HADHB: variants seen among roughly 807,000 people sequenced by gnomAD.
HADHB encodes trifunctional enzyme subunit beta, mitochondrial.
HADHB carries 50 observed loss-of-function variants against 61.9 expected under a neutral mutation model. The observed-to-expected ratio is 0.81, with a 90% CI of 0.64 to 1.02. HADHB has a LOEUF of 1.02. Among genes scored for constraint, HADHB ranks in the 50% least tolerant of loss-of-function variants. The probability of loss-of-function intolerance (pLI) is 0.00; values close to 1 mark genes in which losing one functional copy is unlikely to be tolerated. For missense variants in HADHB, 504 were observed against 586.5 expected (o/e 0.86, Z 1.45); for synonymous variants, 191 against 201.6 (o/e 0.95, Z 0.45).
Position 26,282,865 on chromosome 2 carries a change from G to A in HADHB, c.954G>A (p.Met318Ile). 1 of 1,612,760 alleles carries A rather than the reference G, an allele frequency of 6.2e-7. No individual in the cohort carries two copies. The highest frequency in any genetic ancestry group is 8.5e-7 in the Non-Finnish European group (1 of 1,179,036). Residue 318 changes from methionine to isoleucine, a missense_variant, in exon 11 of 16, where the codon ATG becomes ATA. Transcript: ENST00000317799. ...TTCAGACTGATGGTGCATCTGCAAT[G>A]TTAATCATGGCGGAGGAAAAGGCTC... Reference protein sequence around the residue: ...SSFLTDGASAMLIMAEEKALA... With the variant: ...SSFLTDGASAILIMAEEKALA...
In HADHB at chr2:26,284,897, A is replaced by C. The variant is rs1476891341; in HGVS notation, c.1164A>C (p.Ala388=). 1.3e-6 allele frequency: 2 copies of C among 1,586,262 alleles called. No homozygotes were observed. The highest frequency in any genetic ancestry group is 1.7e-6 in the Non-Finnish European group (2 of 1,154,810). The change falls in exon 14 of 16, where the codon GCA becomes GCC. Residue 388 remains alanine (A), a synonymous_variant. Transcript: ENST00000317799. ...TTCTCTTCCAGGGTCAGATTTTGGC[A>C]AATTTTAAAGCCATGGATTCTGATT... The part of the protein sequence containing the change: ...FHEAFSGQIL[A]NFKAMDSDWF...
chr2:26,275,362 G>A (rs1211248774), intron 6 of HADHB, among the ~76,000 whole-genome samples: 1 of 152,084 alleles, frequency 6.6e-6, no homozygotes, highest in Admixed American at 6.6e-5. Flanking sequence ...TTGTTGAAAG[G>A]TTCAGCATAT....
chr2:26,277,181 A>T (rs1216381185), intron 7 of HADHB, 21 bp downstream of exon 7: 1 of 1,100,134 alleles, frequency 9.1e-7, no homozygotes, highest in Non-Finnish European at 1.4e-6. Context: ...ATGGAAACAG[A>T]CAGTACATGT....
intron 6 of HADHB, among the ~76,000 whole-genome samples, chr2:26,275,350 C>G (rs925616601): frequency 6.6e-6 from 1 of 152,140 alleles, no homozygotes; most frequent in East Asian, 1.9e-4. Context: ...ATGAACCTGA[C>G]TTTGTTGAAA....
chr2:26,286,466 T>C, intron 15 of HADHB, among the ~76,000 whole-genome samples: 1 of 152,124 alleles, frequency 6.6e-6, no homozygotes, highest in East Asian at 1.9e-4. Flanking sequence ...CATCTCACTC[T>C]AGGAATAAAA....
In HADHB at chr2:26,263,587, T is replaced by C. The variant is rs1574650734; in HGVS notation, c.209+108T>C. On this transcript the variant is annotated intron_variant, in intron 4 of 15. Coordinates refer to ENST00000317799, the MANE Select transcript of HADHB (RefSeq NM_000183.3). ...TAATAATATTGTTAGTGGACTAATA[T>C]TTGGATAGCAGTCCCATGAAATTAA... is the stretch of plus-strand genomic sequence containing the variant. 8 of 759,964 alleles carry C rather than the reference T, an allele frequency of 1.1e-5. No individual in the cohort carries two copies. The East Asian group carries it at 2.1e-4, about 20-fold the overall frequency. The allele number at this position is 759,964 out of a possible 1,614,324, so 47.1% of individuals were successfully genotyped here.
At chr2:26,278,527 T>C (rs893624843) in intron 7 of HADHB, 87 bp from the exon 8 acceptor site, 2 of 1,125,754 alleles carry the variant, frequency 1.8e-6, no homozygotes, top group East Asian at 2.3e-5. Context: ...ATAACTGTCA[T>C]TCAGCTTTTT....
intron 5 of HADHB, among the ~76,000 whole-genome samples, chr2:26,271,214 A>T (rs1672334421): frequency 6.6e-6 from 1 of 151,364 alleles, no homozygotes; most frequent in South Asian, 2.1e-4. Context: ...CTAGCTTAAA[A>T]AAAAAAAACT....
In HADHB at chr2:26,271,298, G is replaced by A. The variant is rs1451942666; in HGVS notation, c.254+1301G>A. 4.6e-5 allele frequency among the ~76,000 whole-genome samples: 7 copies of A among 151,146 alleles called. No individual in the cohort carries two copies. The South Asian group carries it at 1.3e-3, about 27-fold the overall frequency. On this transcript the variant is annotated intron_variant, in intron 5 of 15. Coordinates refer to ENST00000317799, the MANE Select transcript of HADHB (RefSeq NM_000183.3). ...TGAGGTGGGCAGATCACCTGAGGTC[G>A]GGAGTTCAAGACCAGCCTGACCAAC...
intron 6 of HADHB, among the ~76,000 whole-genome samples, chr2:26,274,067 G>A (rs1261921765): frequency 1.3e-5 from 2 of 152,190 alleles, no homozygotes; most frequent in Non-Finnish European, 2.9e-5. Flanking sequence ...TTTTAGTAAT[G>A]TTAGATATCA....
rs899935631 is a variant in HADHB at position 26,282,729 on chromosome 2, G to A, written c.934-116G>A. On this transcript the variant is annotated intron_variant, in intron 10 of 15. Transcript: ENST00000317799. ...ACAGTGAAGTAAGTGTTGTTATATA[G>A]AATCACTGTATAAGTCTAATGAGTT... 13 of 739,068 alleles carry A rather than the reference G, an allele frequency of 1.8e-5. No individual in the cohort carries two copies. The African/African-American group carries it at 1.9e-4, about 11-fold the overall frequency. 45.8% of individuals were successfully genotyped at this position (739,068 alleles called of 1,614,324 possible). A position where few individuals can be genotyped will look rare whatever the true frequency, so the allele number is the denominator to read the frequency against.
At chr2:26,273,450 A>C (rs181829265) in intron 5 of HADHB, among the ~76,000 whole-genome samples, 2 of 152,288 alleles carry the variant, frequency 1.3e-5, no homozygotes, top group African/African-American at 4.8e-5. Flanking sequence ...TCAGCATCAA[A>C]TGTTGACTTT....
chr2:26,259,936 G>A (rs1574647490), intron 3 of HADHB, among the ~76,000 whole-genome samples: 1 of 152,170 alleles, frequency 6.6e-6, no homozygotes, highest in Non-Finnish European at 1.5e-5. Flanking sequence ...TAAAGGACTG[G>A]GGGCTGGCTC....
At chr2:26,255,897 C>T (rs1360483367) in intron 3 of HADHB, among the ~76,000 whole-genome samples, 2 of 152,144 alleles carry the variant, frequency 1.3e-5, no homozygotes, top group African/African-American at 4.8e-5. Flanking sequence ...TTGCCTTTTC[C>T]CTAATTCTAA....
intron 9 of HADHB, among the ~76,000 whole-genome samples, chr2:26,279,683 G>A (rs1672704519): frequency 1.3e-5 from 2 of 151,110 alleles, no homozygotes; most frequent in Admixed American, 6.6e-5. Flanking sequence ...ATATATTTTA[G>A]TTCTTACATA....
intron 6 of HADHB, among the ~76,000 whole-genome samples, 167 bp downstream of exon 6, chr2:26,273,917 T>C (rs1313677253): frequency 6.6e-6 from 1 of 152,206 alleles, no homozygotes; most frequent in African/African-American, 2.4e-5. Context: ...GTAAAAGAAT[T>C]CTAATATAAA....
chr2:26,261,451 G>C (rs1239007770), intron 3 of HADHB: 2 of 165,888 alleles, frequency 1.2e-5, no homozygotes, highest in Non-Finnish European at 2.6e-5. Context: ...TATCCACCTG[G>C]TTGTCTCTCT....
intron 5 of HADHB, 80 bp from the exon 6 acceptor site, chr2:26,273,571 G>T: frequency 1.2e-6 from 1 of 800,636 alleles, no homozygotes; most frequent in South Asian, 1.4e-5. Flanking sequence ...CTTTTTCAAG[G>T]AGCGCAGTGT....
At chr2:26,258,224 C>T (rs957450766) in intron 3 of HADHB, among the ~76,000 whole-genome samples, 2 of 152,126 alleles carry the variant, frequency 1.3e-5, no homozygotes, top group Admixed American at 1.3e-4. Flanking sequence ...CCCATTGTTA[C>T]GGGTGGGCCT....
Sources: allele counts gnomAD v4.1 joint callset (sites outside exome capture counted in the v4.1 genomes callset), GRCh38; gene constraint gnomAD v4.1.1; transcripts MANE v1.5; gene names NCBI Gene and HGNC (gene_info 2026-07-23, HGNC 2026-07-21).